The following TAMM41 variants were observed in gnomAD, a reference collection of about 807,000 sequenced individuals.
TAMM41 encodes phosphatidate cytidylyltransferase, mitochondrial.
In TAMM41, 36 loss-of-function variants were observed where a neutral mutation model predicts 44.1. The observed-to-expected ratio is 0.82, with a 90% CI of 0.63 to 1.08. The LOEUF is 1.08. Ranked by LOEUF, TAMM41 falls within the 50% of genes least tolerant of loss-of-function variation. The pLI, the probability that TAMM41 is intolerant of heterozygous loss-of-function variation, is 0.00. For missense variants in TAMM41, 417 were observed against 404.3 expected, an observed-to-expected ratio of 1.03 and a Z score of -0.27; for synonymous variants, 164 against 153.1, an observed-to-expected ratio of 1.07 and a Z score of -0.53.
intron 6 of TAMM41, chr3:11,808,168 G>T: frequency 1.0e-6 from 1 of 962,304 alleles, no homozygotes; most frequent in South Asian, 3.8e-5. Context: ...AAGGGGATGG[G>T]TTAGCTGACC....
chr3:11,745,821 A>G, the TAMM41 span, among the ~76,000 whole-genome samples: 2 of 152,214 alleles, frequency 1.3e-5, no homozygotes, highest in African/African-American at 4.8e-5. Flanking sequence ...AAAATGATCA[A>G]GATGCTAAAT....
At position 11,829,785 on chromosome 3, in the gene TAMM41, G is replaced by A; in HGVS notation, c.491C>T (p.Ala164Val). 6.2e-7 allele frequency: 1 copy of A among 1,614,168 alleles called. No homozygotes were observed. The highest frequency in any genetic ancestry group is 1.6e-4 in the Middle Eastern group (1 of 6,062). ...DRNLKSAVTA[A>V]FLMLPESFSE... Reference sequence around the variant, plus strand: ...AAAGCTTTCGGGGAGCATGAGGAAAGCAGCGGTCACAGCACTCTTCAGATT... The same window carrying A: ...AAAGCTTTCGGGGAGCATGAGGAAAACAGCGGTCACAGCACTCTTCAGATT... Residue 164 changes from alanine (A) to valine (V), a missense_variant, in exon 4 of 8, where the codon GCT becomes GTT. Physicochemically the swap from Ala to Val is moderately conservative, Grantham distance 64 (BLOSUM62 0). Coordinates refer to ENST00000455809, the MANE Select transcript of TAMM41 (RefSeq NM_001284401.2).
the TAMM41 span, among the ~76,000 whole-genome samples, chr3:11,784,643 G>A: frequency 6.6e-6 from 1 of 152,112 alleles, no homozygotes; most frequent in African/African-American, 2.4e-5. Context: ...AGTGGGTGGT[G>A]GTTAATGTTA....
the TAMM41 span, chr3:11,724,938 T>C: frequency 0.015 from 2,306 of 152,476 alleles, 48 homozygotes; most frequent in African/African-American, 0.052. Context: ...TTGGCTCCCT[T>C]ATTGCTATCT....
At chr3:11,767,625 C>CTTTTTTTTTT in the TAMM41 span, among the ~76,000 whole-genome samples, 1 of 27,906 alleles carries the variant, frequency 3.6e-5, no homozygotes, top group African/African-American at 2.7e-4. Flanking sequence ...ACACGTTGTG[C>CTTTTTTTTTT]ATTTTTTTTT....
chr3:11,846,115 T>A (rs1038465142), intron 1 of TAMM41, among the ~76,000 whole-genome samples: 2 of 152,236 alleles, frequency 1.3e-5, no homozygotes, highest in African/African-American at 4.8e-5. Flanking sequence ...CCCAAACCAA[T>A]TAAATCAGAA....
rs766324601 is a variant in TAMM41 at position 11,809,654 on chromosome 3, G to A, written c.737C>T (p.Thr246Ile). The A allele has an allele frequency of 1.2e-5, 19 of 1,613,804 alleles. No homozygotes were observed. Among genetic ancestry groups the A allele is most frequent in the Non-Finnish European group, 1.6e-5 (19 of 1,180,020 alleles). Residue 246 changes from threonine (T) to isoleucine (I), a missense_variant, in exon 6 of 8, where the codon ACT becomes ATT. Physicochemically the swap from Thr to Ile is moderately conservative, Grantham distance 89. Coordinates refer to ENST00000455809, the MANE Select transcript of TAMM41 (RefSeq NM_001284401.2). ...EIDKSPEGQF[T>I]QLMTLPKTLQ... Reference sequence around the variant, plus strand: ...GGTTTTGGGCAATGTCATCAGCTGAGTGAACTGTCCTTCTGGGCTTTTATC... The same window carrying A: ...GGTTTTGGGCAATGTCATCAGCTGAATGAACTGTCCTTCTGGGCTTTTATC...
chr3:11,770,071 G>A, the TAMM41 span, among the ~76,000 whole-genome samples: 4 of 152,200 alleles, frequency 2.6e-5, no homozygotes, highest in Non-Finnish European at 5.9e-5. Context: ...AGTTAATTGA[G>A]GTAAAGAAGA....
chr3:11,798,248 T>C (rs1035025202), intron 7 of TAMM41, among the ~76,000 whole-genome samples: 8 of 152,078 alleles, frequency 5.3e-5, no homozygotes, highest in Middle Eastern at 3.2e-3. Flanking sequence ...GGAATCAACC[T>C]AAATGCCCAT....
intron 7 of TAMM41, among the ~76,000 whole-genome samples, chr3:11,799,229 TG>T (rs1270868943): frequency 6.6e-6 from 1 of 151,940 alleles, no homozygotes; most frequent in African/African-American, 2.4e-5. Context: ...CATTGCACTC[TG>T]GCCTGAGCTA....
At chr3:11,838,181 C>T (rs13062099) in intron 3 of TAMM41, among the ~76,000 whole-genome samples, 1 of 152,160 alleles carries the variant, frequency 6.6e-6, no homozygotes, top group African/African-American at 2.4e-5. Flanking sequence ...TCATAATTTG[C>T]TAGAATGGCT....
the TAMM41 span, among the ~76,000 whole-genome samples, chr3:11,784,786 CTTTT>C: frequency 7.3e-6 from 1 of 137,620 alleles, no homozygotes; most frequent in Non-Finnish European, 1.5e-5. Context: ...GAGAACACTT[CTTTT>C]CTTTTCTTTT....
intron 3 of TAMM41, among the ~76,000 whole-genome samples, chr3:11,832,283 C>A (rs113744950): frequency 0.01 from 320 of 31,138 alleles, 6 homozygotes; most frequent in African/African-American, 0.022. Context: ...TTCAGAAAAA[C>A]AAAAAAAAAA....
At chr3:11,801,502 T>A (rs1027697788) in intron 7 of TAMM41, among the ~76,000 whole-genome samples, 2 of 152,074 alleles carry the variant, frequency 1.3e-5, no homozygotes, top group Non-Finnish European at 2.9e-5. Flanking sequence ...ACAGCTAATT[T>A]TTTTGTAGAA....
At chr3:11,784,584 G>A in the TAMM41 span, among the ~76,000 whole-genome samples, 2 of 152,134 alleles carry the variant, frequency 1.3e-5, no homozygotes, top group Non-Finnish European at 2.9e-5. Flanking sequence ...TCACGGACAG[G>A]CACACGGGTA....
chr3:11,829,940 G>A (rs769647805), intron 3 of TAMM41, 76 bp from the exon 4 acceptor site: 475 of 1,414,862 alleles, frequency 3.4e-4, no homozygotes, highest in Non-Finnish European at 4.2e-4. Flanking sequence ...AAATGCACTG[G>A]AACTATCTCA....
In TAMM41 at chr3:11,841,073, ATTTTTTTTT is replaced by A. The variant is rs141805597; in HGVS notation, c.319-1768_319-1760del. Among the ~76,000 whole-genome samples the A allele has an allele frequency of 1.3e-4, 11 of 83,948 alleles. No individual in the cohort carries two copies. In the East Asian group the frequency reaches 1.5e-3, roughly 12 times the overall value. 55.1% of individuals were successfully genotyped at this position (83,948 alleles called of 152,430 possible). On this transcript the variant is annotated intron_variant, in intron 2 of 7. Transcript: ENST00000455809. ...AGAAATTATAGTTCAGCCCATTTCT[ATTTTTTTTT>A]TTTTTTTTTTTTTTTTTTGAGACAG... is the stretch of plus-strand genomic sequence containing the variant.
chr3:11,779,183 G>A, the TAMM41 span, among the ~76,000 whole-genome samples: 1 of 152,098 alleles, frequency 6.6e-6, no homozygotes, highest in African/African-American at 2.4e-5. Flanking sequence ...TCTACACACT[G>A]GTTCCCCCTT....
intron 3 of TAMM41, chr3:11,830,816 G>C (rs2078955631): frequency 6.6e-6 from 1 of 151,298 alleles, no homozygotes; most frequent in Admixed American, 6.6e-5. Context: ...GGCTGCAGTG[G>C]GTTGCAGTGA....
Sources: allele counts gnomAD v4.1 joint callset (sites outside exome capture counted in the v4.1 genomes callset), GRCh38; gene constraint gnomAD v4.1.1; transcripts MANE v1.5; gene names NCBI Gene and HGNC (gene_info 2026-07-23, HGNC 2026-07-21).